SLC8A1: variants seen among roughly 807,000 people sequenced by gnomAD.
The protein encoded by SLC8A1 is sodium/calcium exchanger 1.
Under a neutral mutation model 68.3 loss-of-function variants are expected in SLC8A1, and 18 were observed. The ratio of observed to expected loss-of-function variants is 0.26; its 90% CI spans 0.18 to 0.39. SLC8A1 has a LOEUF of 0.39. SLC8A1 is among the 10% of genes least tolerant of loss of function. SLC8A1 has a pLI of 1.00. For missense variants in SLC8A1, 985 were observed against 1,156.7 expected, an observed-to-expected ratio of 0.85 and a Z score of 2.15; for synonymous variants, 475 against 415.5, an observed-to-expected ratio of 1.14 and a Z score of -1.74.
intron 2 of SLC8A1, among the ~76,000 whole-genome samples, chr2:40,326,685 G>T (rs1456877959): frequency 1.3e-5 from 2 of 152,146 alleles, no homozygotes; most frequent in Non-Finnish European, 2.9e-5. Flanking sequence ...ACTGATCAAT[G>T]GTTATGGTCA....
intron 1 of SLC8A1, among the ~76,000 whole-genome samples, chr2:40,494,448 G>A (rs1705537950): frequency 6.6e-6 from 1 of 151,668 alleles, no homozygotes; most frequent in East Asian, 1.9e-4. Context: ...ATTGTGAGTA[G>A]TGCCGCAATA....
chr2:40,128,615 C>G (rs2038655853), intron 7 of SLC8A1, among the ~76,000 whole-genome samples: 1 of 152,152 alleles, frequency 6.6e-6, no homozygotes, highest in South Asian at 2.1e-4. Context: ...AGGTACTGCC[C>G]TAAGAGTCAC....
chr2:40,218,206 C>G (rs1243623089), intron 2 of SLC8A1, among the ~76,000 whole-genome samples: 2 of 152,164 alleles, frequency 1.3e-5, no homozygotes, highest in Non-Finnish European at 2.9e-5. Context: ...CTTCCTGCTA[C>G]CTATTAAGGG....
intron 2 of SLC8A1, among the ~76,000 whole-genome samples, chr2:40,212,781 A>C (rs926522687): frequency 1.3e-5 from 2 of 152,208 alleles, no homozygotes; most frequent in Non-Finnish European, 2.9e-5. Context: ...ATTCTTGGGC[A>C]GAGTATTGCT....
chr2:40,115,239 A>G, exon 8 of SLC8A1: 1 of 1,575,644 alleles, frequency 6.3e-7, no homozygotes, highest in Non-Finnish European at 8.6e-7. Context: ...AATTTACTAT[A>G]TCTGATAGTT....
chr2:40,470,221 T>C (rs1559753333), intron 1 of SLC8A1, among the ~76,000 whole-genome samples: 1 of 152,132 alleles, frequency 6.6e-6, no homozygotes, highest in African/African-American at 2.4e-5. Flanking sequence ...CTCTACACTT[T>C]GGGAAAACTT....
chr2:40,229,236 T>A (rs2059348983), intron 2 of SLC8A1, among the ~76,000 whole-genome samples: 1 of 152,164 alleles, frequency 6.6e-6, no homozygotes, highest in East Asian at 1.9e-4. Context: ...TTAGAGAAAC[T>A]GAATGGCTCA....
At chr2:40,152,902 C>T (rs1041093734) in intron 6 of SLC8A1, among the ~76,000 whole-genome samples, 12 of 151,754 alleles carry the variant, frequency 7.9e-5, no homozygotes, top group African/African-American at 2.7e-4. Flanking sequence ...TTCAAGGGTA[C>T]AGTGAGCTAT....
chr2:40,496,818 G>C (rs928051572), intron 1 of SLC8A1, among the ~76,000 whole-genome samples: 1 of 149,950 alleles, frequency 6.7e-6, no homozygotes, highest in African/African-American at 2.5e-5. Flanking sequence ...GTAAACTACC[G>C]CAAGAACAAA....
chr2:40,166,217 C>G (rs1287682791), intron 4 of SLC8A1, among the ~76,000 whole-genome samples: 1 of 152,170 alleles, frequency 6.6e-6, no homozygotes, highest in Admixed American at 6.5e-5. Flanking sequence ...TATGGTGGCT[C>G]CATTGTTGCT....
intron 2 of SLC8A1, among the ~76,000 whole-genome samples, chr2:40,400,736 G>A (rs1453472517): frequency 6.6e-6 from 1 of 152,126 alleles, no homozygotes; most frequent in Non-Finnish European, 1.5e-5. Context: ...TTGCAAGATG[G>A]GGGTAGGAGA....
chr2:40,220,207 A>T (rs74852088), intron 2 of SLC8A1: 1 of 151,808 alleles, frequency 6.6e-6, no homozygotes, highest in Non-Finnish European at 1.5e-5. Flanking sequence ...AAGGAGAAAG[A>T]CAAGAGAGGA....
At chr2:40,362,932 C>G (rs898273644) in intron 2 of SLC8A1, among the ~76,000 whole-genome samples, 5 of 152,074 alleles carry the variant, frequency 3.3e-5, no homozygotes, top group African/African-American at 1.2e-4. Context: ...CTACCCCATG[C>G]AATACAGTTT....
At chr2:40,406,998 G>C (rs1048321760) in intron 2 of SLC8A1, among the ~76,000 whole-genome samples, 1 of 152,074 alleles carries the variant, frequency 6.6e-6, no homozygotes, top group South Asian at 2.1e-4. Context: ...TGAGGACTAG[G>C]CTTACCAGGT....
chr2:40,377,892 A>G (rs188117729), intron 2 of SLC8A1, among the ~76,000 whole-genome samples: 4 of 152,238 alleles, frequency 2.6e-5, no homozygotes, highest in Admixed American at 2.6e-4. Flanking sequence ...ATGGTCATCA[A>G]TTCAAAATGT....
chr2:40,116,743 A>G (rs2035504314), intron 7 of SLC8A1: 1 of 152,088 alleles, frequency 6.6e-6, no homozygotes, highest in African/African-American at 2.4e-5. Flanking sequence ...TCTACCTTTC[A>G]CTGTGCTGTG....
intron 1 of SLC8A1, among the ~76,000 whole-genome samples, 154 bp from the exon 2 acceptor site, chr2:40,430,458 A>C (rs921730978): frequency 6.6e-6 from 1 of 152,150 alleles, no homozygotes; most frequent in Non-Finnish European, 1.5e-5. Flanking sequence ...TTTGACCATC[A>C]CAAAATCTAT....
intron 6 of SLC8A1, among the ~76,000 whole-genome samples, chr2:40,145,137 TC>T (rs1190812574): frequency 6.6e-6 from 1 of 152,184 alleles, no homozygotes; most frequent in African/African-American, 2.4e-5. Flanking sequence ...GTATTTGAGC[TC>T]TTTTCAAACA....
intron 2 of SLC8A1, among the ~76,000 whole-genome samples, chr2:40,236,678 G>A (rs2060420001): frequency 1.3e-5 from 2 of 152,062 alleles, no homozygotes; most frequent in African/African-American, 4.8e-5. Context: ...GTTAGTTGAT[G>A]CAGTTTCTTC....
Sources: gnomAD v4.1 joint callset for allele counts (sites outside exome capture counted in the v4.1 genomes callset) on GRCh38, gnomAD v4.1.1 for gene constraint, MANE v1.5 for transcripts, NCBI Gene and HGNC (gene_info 2026-07-23, HGNC 2026-07-21) for gene names.